Variants in BTBD9 observed in about 807,000 individuals in gnomAD.
The protein encoded by BTBD9 is BTB/POZ domain-containing protein 9.
Under a neutral mutation model 64.3 loss-of-function variants are expected in BTBD9, and 49 were observed. The observed-to-expected ratio is 0.76, with a 90% confidence interval of 0.61 to 0.97. The LOEUF (loss-of-function observed/expected upper bound fraction) is 0.97, where lower values mean the gene tolerates loss of function less well. BTBD9 is among the 50% of genes least tolerant of loss of function. The probability of loss-of-function intolerance (pLI) is 0.00; values close to 1 mark genes in which losing one functional copy is unlikely to be tolerated. For missense variants in BTBD9, 598 were observed against 762.1 expected (o/e 0.78, Z 2.53); for synonymous variants, 260 against 274.7 (o/e 0.95, Z 0.53).
At chr6:38,287,438 C>A (rs1761786759) in intron 8 of BTBD9, among the ~76,000 whole-genome samples, 3 of 151,910 alleles carry the variant, frequency 2.0e-5, no homozygotes, top group Admixed American at 2.0e-4. Flanking sequence ...AGGCACCGTG[C>A]CCAGGCACCA....
At chr6:38,574,835 A>G (rs1490898932) in intron 6 of BTBD9, among the ~76,000 whole-genome samples, 3 of 151,894 alleles carry the variant, frequency 2.0e-5, no homozygotes, top group Non-Finnish European at 2.9e-5. Context: ...ATTTGAGAAG[A>G]GTTCGACCTA....
In BTBD9 at chr6:38,174,843, G is replaced by A. The variant is rs1002277096; in HGVS notation, c.*142C>T. 2.9e-5 allele frequency: 27 copies of A among 931,432 alleles called. No homozygotes were observed. The highest frequency in any genetic ancestry group is 4.2e-5 in the Non-Finnish European group (26 of 615,406). The allele number at this position is 931,432 out of a possible 1,614,324, so 57.7% of individuals were successfully genotyped here. ...TCTGTCCTTGGGAGAAAACCTGTTC[G>A]GTGTCTGCTTTTGCAGCTAGGTCGG... is the stretch of plus-strand genomic sequence containing the variant. On this transcript the variant is annotated 3_prime_UTR_variant, in exon 11 of 11. Coordinates refer to ENST00000481247, the MANE Select transcript of BTBD9 (RefSeq NM_001099272.2).
chr6:38,431,606 C>G (rs924057491), intron 6 of BTBD9, among the ~76,000 whole-genome samples: 1 of 152,040 alleles, frequency 6.6e-6, no homozygotes, highest in Admixed American at 6.5e-5. Context: ...CAAAAAAATT[C>G]TCTCCTAATC....
chr6:38,419,870 C>T (rs1398764536), intron 6 of BTBD9, among the ~76,000 whole-genome samples: 1 of 151,712 alleles, frequency 6.6e-6, no homozygotes, highest in African/African-American at 2.4e-5. Context: ...AACTCCATCT[C>T]AAACAAAACA....
At chr6:38,415,760 C>T (rs999917311) in intron 6 of BTBD9, among the ~76,000 whole-genome samples, 2 of 152,152 alleles carry the variant, frequency 1.3e-5, no homozygotes, top group African/African-American at 2.4e-5. Context: ...ACTATCACAG[C>T]CTCCTACTGG....
intron 9 of BTBD9, among the ~76,000 whole-genome samples, chr6:38,200,933 C>T (rs2127492229): frequency 6.6e-6 from 1 of 152,126 alleles, no homozygotes; most frequent in East Asian, 1.9e-4. Flanking sequence ...GGCAGGAGAA[C>T]TGCTTGAGTC....
At position 38,597,945 on chromosome 6, in the gene BTBD9, G is replaced by A. The variant is rs1582696424; in HGVS notation, c.150C>T (p.His50=). 8 of 1,613,858 alleles carry A rather than the reference G, an allele frequency of 5.0e-6. No homozygotes were observed. In the South Asian group the frequency reaches 7.7e-5, roughly 16 times the overall value. ...FVVEKKRFPA[H]RVILAARCQY... ...GGCACCTGGCTGCTAAAATTACCCT[G>A]TGGGCAGGAAAACGTTTCTTTTCCA... Residue 50 remains histidine, a synonymous_variant, in exon 2 of 11, where the codon CAC becomes CAT. Transcript: ENST00000481247.
chr6:38,391,034 G>A (rs1484405443), intron 6 of BTBD9, among the ~76,000 whole-genome samples: 1 of 152,040 alleles, frequency 6.6e-6, no homozygotes, highest in African/African-American at 2.4e-5. Flanking sequence ...CCGTAATCCT[G>A]GAATATCAAA....
chr6:38,208,755 C>T (rs1762737382), intron 9 of BTBD9, among the ~76,000 whole-genome samples: 1 of 152,186 alleles, frequency 6.6e-6, no homozygotes, highest in Admixed American at 6.5e-5. Context: ...GCTGTCCAGA[C>T]TTACAGGGAA....
chr6:38,334,575 A>AATAAC (rs372624753), intron 7 of BTBD9, among the ~76,000 whole-genome samples: 3,714 of 142,488 alleles, frequency 0.026, 76 homozygotes, highest in East Asian at 0.077. Context: ...TCTCAAAAAT[A>AATAAC]ATAACATAAC....
chr6:38,459,176 G>A (rs945455835), intron 6 of BTBD9, among the ~76,000 whole-genome samples: 17 of 151,994 alleles, frequency 1.1e-4, no homozygotes, highest in Admixed American at 2.0e-4. Context: ...GCACCACCAC[G>A]CCTGGCTAAT....
intron 6 of BTBD9, among the ~76,000 whole-genome samples, chr6:38,394,641 A>G (rs1766583090): frequency 6.8e-6 from 1 of 147,430 alleles, no homozygotes; most frequent in Non-Finnish European, 1.5e-5. Context: ...CAAAATGACA[A>G]TGTCTGACTT....
chr6:38,336,513 A>G (rs989546925), intron 7 of BTBD9, among the ~76,000 whole-genome samples: 1 of 152,136 alleles, frequency 6.6e-6, no homozygotes, highest in African/African-American at 2.4e-5. Flanking sequence ...GTCCCCTTAT[A>G]AAACCATTAG....
chr6:38,292,779 G>A (rs918811833), intron 7 of BTBD9, among the ~76,000 whole-genome samples: 1 of 152,040 alleles, frequency 6.6e-6, no homozygotes, highest in South Asian at 2.1e-4. Flanking sequence ...GCTCCTGGAT[G>A]CATTGATTTT....
chr6:38,620,045 C>A (rs1392638106), intron 1 of BTBD9, among the ~76,000 whole-genome samples: 2 of 152,048 alleles, frequency 1.3e-5, no homozygotes, highest in East Asian at 1.9e-4. Flanking sequence ...GCTAAAAGAC[C>A]CCACCACTTT....
intron 5 of BTBD9, among the ~76,000 whole-genome samples, chr6:38,578,185 A>T (rs1482841658): frequency 6.6e-6 from 1 of 152,130 alleles, no homozygotes; most frequent in African/African-American, 2.4e-5. Flanking sequence ...TCTAAGGAAG[A>T]AAGTCAACTT....
chr6:38,200,412 T>C (rs1449605303), intron 9 of BTBD9, among the ~76,000 whole-genome samples: 1 of 151,710 alleles, frequency 6.6e-6, no homozygotes, highest in Non-Finnish European at 1.5e-5. Flanking sequence ...AAAGAAACAA[T>C]AAAGATTAGA....
chr6:38,410,856 T>C (rs1171502746), intron 6 of BTBD9, among the ~76,000 whole-genome samples: 4 of 152,170 alleles, frequency 2.6e-5, no homozygotes, highest in African/African-American at 9.7e-5. Context: ...AGTGAGACCC[T>C]GTCTCTATAA....
At chr6:38,269,678 C>T (rs900659262) in intron 8 of BTBD9, among the ~76,000 whole-genome samples, 2 of 152,088 alleles carry the variant, frequency 1.3e-5, no homozygotes, top group Admixed American at 1.3e-4. Flanking sequence ...TGCAGTTCTC[C>T]CCACTGCTGC....
Sources: gnomAD v4.1 joint callset for allele counts (sites outside exome capture counted in the v4.1 genomes callset) on GRCh38, gnomAD v4.1.1 for gene constraint, MANE v1.5 for transcripts, NCBI Gene and HGNC (gene_info 2026-07-23, HGNC 2026-07-21) for gene names.